RHOF: variants seen among roughly 807,000 people sequenced by gnomAD.
The protein encoded by RHOF is ras homolog family member F, filopodia associated.
A neutral mutation model predicts 22.2 loss-of-function variants in RHOF; 21 were observed. The observed-to-expected ratio is 0.95, with a 90% CI of 0.67 to 1.36. RHOF has a LOEUF of 1.36. Ranked by LOEUF, RHOF falls within the 40% of genes most tolerant of loss-of-function variation. The pLI is 0.00. For missense variants in RHOF, 285 were observed against 293.7 expected (o/e 0.97, Z 0.22); for synonymous variants, 135 against 131.2 (o/e 1.03, Z -0.20).
Position 121,793,401 on chromosome 12 carries a change from T to G in RHOF, c.138+95A>C. ...GGCGCCCCGGGGTGGCGGCCGCCTG[T>G]CCGTGCTCGGGACGCTGGGGACTGA... On this transcript the variant is annotated intron_variant, in intron 1 of 4. Coordinates refer to ENST00000267205, the MANE Select transcript of RHOF (RefSeq NM_019034.3). The G allele has an allele frequency of 2.0e-6, 3 of 1,494,664 alleles. No individual in the cohort carries two copies. The South Asian group carries it at 3.6e-5, about 18-fold the overall frequency. 92.6% of individuals were successfully genotyped at this position (1,494,664 alleles called of 1,614,324 possible). A position where few individuals can be genotyped will look rare whatever the true frequency, so the allele number is the denominator to read the frequency against.
rs1874356641 is a variant in RHOF, at chr12:121,779,397, A to G, written c.*101T>C. The G allele has an allele frequency of 1.6e-5, 20 of 1,288,014 alleles. No homozygotes were observed. In the South Asian group the frequency reaches 2.6e-4, roughly 17 times the overall value. The allele number at this position is 1,288,014 out of a possible 1,614,324, so 79.8% of individuals were successfully genotyped here. ...AAGAGTCTAGCCGCAGGCCCCAGAC[A>G]CCATGAGCTGGAGGGTCGGGATGGG... On this transcript the variant is annotated 3_prime_UTR_variant, in exon 5 of 5. Transcript: ENST00000267205.
intron 2 of RHOF, among the ~76,000 whole-genome samples, chr12:121,783,327 C>CCA (rs71079096): frequency 6.7e-6 from 1 of 148,564 alleles, no homozygotes; most frequent in Non-Finnish European, 1.5e-5. Flanking sequence ...CCCCCCCCCC[C>CCA]ACCTTTTCTT....
chr12:121,779,498 T>C lies in RHOF; in HGVS notation c.636A>G (p.Ter212TrpextTer40). The C allele has an allele frequency of 6.2e-7, 1 of 1,611,224 alleles. No individual in the cohort carries two copies. Among genetic ancestry groups the C allele is most frequent in the Non-Finnish European group, 8.5e-7 (1 of 1,179,972 alleles). ...QKKRRLCLLL[*>W] ...TGTCGTGAGGTCTGTCTGCCCTGGG[T>C]CAGAGCAGCAGGCAGAGCCGGCGCT... Residue 212 changes from the stop codon to tryptophan, a stop_lost, in exon 5 of 5, where the codon TGA (stop) becomes TGG (tryptophan). Transcript: ENST00000267205.
intron 4 of RHOF, 56 bp downstream of exon 4, chr12:121,780,816 A>C: frequency 6.4e-7 from 1 of 1,558,590 alleles, no homozygotes; most frequent in Non-Finnish European, 8.7e-7. Context: ...CAGAGGCCAA[A>C]GGTCCGGGAG....
intron 2 of RHOF, among the ~76,000 whole-genome samples, chr12:121,783,856 G>T (rs958035597): frequency 2.0e-5 from 3 of 152,044 alleles, no homozygotes; most frequent in Non-Finnish European, 4.4e-5. Context: ...CACCTGCCTC[G>T]GCCTCCCAGA....
At chr12:121,787,878 GA>G (rs1338772362) in intron 2 of RHOF, among the ~76,000 whole-genome samples, 20 of 120,780 alleles carry the variant, frequency 1.7e-4, no homozygotes, top group Middle Eastern at 6.8e-3. Flanking sequence ...GCAACAGAGT[GA>G]GACTCTGCCT....
At chr12:121,786,857 T>C (rs1874621767) in intron 2 of RHOF, among the ~76,000 whole-genome samples, 1 of 151,980 alleles carries the variant, frequency 6.6e-6, no homozygotes, top group African/African-American at 2.4e-5. Context: ...GCCAACATGG[T>C]GAAACCCTGT....
In RHOF at chr12:121,793,647, C is replaced by T; in HGVS notation, c.-14G>A. On this transcript the variant is annotated 5_prime_UTR_variant, in exon 1 of 5. Coordinates refer to ENST00000267205, the MANE Select transcript of RHOF (RefSeq NM_019034.3). ...GGGGGCATCCATTGCCCGGAGCCCG[C>T]AGCACTGGCGGCGGCGCGCCGGGCA... The T allele has an allele frequency of 3.3e-6, 5 of 1,525,054 alleles. No individual in the cohort carries two copies. Among genetic ancestry groups the T allele is most frequent in the Non-Finnish European group, 3.5e-6 (4 of 1,142,692 alleles). 94.5% of individuals were successfully genotyped at this position (1,525,054 alleles called of 1,614,324 possible). A position where few individuals can be genotyped will look rare whatever the true frequency, so the allele number is the denominator to read the frequency against.
intron 4 of RHOF, 189 bp downstream of exon 4, chr12:121,780,683 A>G (rs1874417857): frequency 3.1e-6 from 2 of 651,136 alleles, no homozygotes; most frequent in Non-Finnish European, 5.1e-6. Flanking sequence ...TCCGAGTCCT[A>G]AGGATTGGGA....
At chr12:121,787,262 G>A (rs1308259112) in intron 2 of RHOF, among the ~76,000 whole-genome samples, 1 of 152,146 alleles carries the variant, frequency 6.6e-6, no homozygotes, top group Non-Finnish European at 1.5e-5. Context: ...CTTGGCAAGG[G>A]CATTCCACTT....
At chr12:121,783,904 C>G (rs1181985275) in intron 2 of RHOF, among the ~76,000 whole-genome samples, 1 of 152,074 alleles carries the variant, frequency 6.6e-6, no homozygotes, top group African/African-American at 2.4e-5. Context: ...GTGCCTGGCC[C>G]CTATTGCCCT....
chr12:121,786,069 C>T (rs1320222561), intron 2 of RHOF, among the ~76,000 whole-genome samples: 1 of 151,614 alleles, frequency 6.6e-6, no homozygotes, highest in East Asian at 1.9e-4. Flanking sequence ...GCGCCCACCA[C>T]CACGCCCGGC....
chr12:121,789,750 A>C (rs1048894186), intron 2 of RHOF, among the ~76,000 whole-genome samples: 1 of 152,128 alleles, frequency 6.6e-6, no homozygotes, highest in South Asian at 2.1e-4. Flanking sequence ...TGGGGCTCAC[A>C]ACACACATCT....
chr12:121,790,351 TACTAG>T (rs1227078381), intron 2 of RHOF, among the ~76,000 whole-genome samples: 1 of 152,268 alleles, frequency 6.6e-6, no homozygotes, highest in African/African-American at 2.4e-5. Flanking sequence ...CAACTACGTT[TACTAG>T]ACTCATTTCT....
chr12:121,778,573 T>C lies in RHOF; in HGVS notation c.*925A>G, dbSNP rs558451578. The stretch of plus-strand genomic sequence containing the variant: ...TCTATGAACCAGTTCTGAGAAACTG[T>C]CCCGCGTGGACAGGGGGTAGATCCC... On this transcript the variant is annotated 3_prime_UTR_variant, in exon 5 of 5. Transcript: ENST00000267205. The C allele has an allele frequency of 6.6e-6, 1 of 152,152 alleles. No individual in the cohort carries two copies. Among genetic ancestry groups the C allele is most frequent in the East Asian group, 1.9e-4 (1 of 5,170 alleles). The allele number at this position is 152,152 out of a possible 1,614,324, so 9.4% of individuals were successfully genotyped here. A position where few individuals can be genotyped will look rare whatever the true frequency, so the allele number is the denominator to read the frequency against.
chr12:121,790,825 G>T (rs968160717), intron 2 of RHOF, among the ~76,000 whole-genome samples: 1 of 152,184 alleles, frequency 6.6e-6, no homozygotes, highest in Non-Finnish European at 1.5e-5. Context: ...CCAAAGCACA[G>T]GCTTGAGCTA....
In RHOF at chr12:121,779,366, T is replaced by C; in HGVS notation, c.*132A>G. 4 of 938,026 alleles carry C rather than the reference T, an allele frequency of 4.3e-6. No individual in the cohort carries two copies. Among genetic ancestry groups the C allele is most frequent in the Non-Finnish European group, 6.3e-6 (4 of 639,820 alleles). 58.1% of individuals were successfully genotyped at this position (938,026 alleles called of 1,614,324 possible). On this transcript the variant is annotated 3_prime_UTR_variant, in exon 5 of 5. Coordinates refer to ENST00000267205, the MANE Select transcript of RHOF (RefSeq NM_019034.3). ...GCCAGGAAAGGAGAGAGTTCCAGAA[T>C]GTTCCAAGAGTCTAGCCGCAGGCCC...
chr12:121,791,380 C>T (rs950984992), intron 2 of RHOF, among the ~76,000 whole-genome samples: 5 of 152,168 alleles, frequency 3.3e-5, no homozygotes, highest in African/African-American at 1.2e-4. Context: ...CCTCATGACC[C>T]TCTTAGTGCT....
chr12:121,788,226 A>C (rs1340854244), intron 2 of RHOF, among the ~76,000 whole-genome samples: 1 of 152,204 alleles, frequency 6.6e-6, no homozygotes, highest in Non-Finnish European at 1.5e-5. Flanking sequence ...AGCTTTGTAA[A>C]TAACAGAGGA....
Sources: gnomAD v4.1 joint callset for allele counts (sites outside exome capture counted in the v4.1 genomes callset) on GRCh38, gnomAD v4.1.1 for gene constraint, MANE v1.5 for transcripts, NCBI Gene and HGNC (gene_info 2026-07-23, HGNC 2026-07-21) for gene names.